The following HMGXB4 variants were observed in gnomAD, a reference collection of about 807,000 sequenced individuals.
The protein encoded by HMGXB4 is HMG domain-containing protein 4.
Under a neutral mutation model 63.9 loss-of-function variants are expected in HMGXB4, and 27 were observed. The observed-to-expected ratio is 0.42, with a 90% CI of 0.31 to 0.58. The LOEUF is 0.58. Among genes scored for constraint, HMGXB4 ranks in the 20% least tolerant of loss-of-function variants. The pLI is 0.13. For missense variants in HMGXB4, 624 were observed against 700.7 expected (o/e 0.89, Z 1.24); for synonymous variants, 264 against 265.3 (o/e 0.99, Z 0.05).
chr22:35,251,984 G>A, the HMGXB4 span, among the ~76,000 whole-genome samples: 2 of 152,196 alleles, frequency 1.3e-5, no homozygotes, highest in Non-Finnish European at 2.9e-5. Flanking sequence ...GGAAGCCAAG[G>A]CGGGTGGATC....
At position 35,267,185 on chromosome 22, in the gene HMGXB4, T is replaced by C. The variant is rs1036275111; in HGVS notation, c.1215+1582T>C. Among the ~76,000 whole-genome samples the C allele has an allele frequency of 6.1e-5, 9 of 148,416 alleles. No homozygotes were observed. In the South Asian group the frequency reaches 6.3e-4, roughly 10 times the overall value. ...TATAAAATAATATATTATATATATA[T>C]ACACACACACATCTGTTTATCTCAA... On this transcript the variant is annotated intron_variant, in intron 5 of 10. Coordinates refer to ENST00000216106, the MANE Select transcript of HMGXB4 (RefSeq NM_001003681.3).
At position 35,294,359 on chromosome 22, in the gene HMGXB4, C is replaced by T. The variant is rs941668442; in HGVS notation, c.*708C>T. The T allele has an allele frequency of 3.3e-5, 5 of 152,512 alleles. No homozygotes were observed. The highest frequency in any genetic ancestry group is 1.2e-4 in the African/African-American group (5 of 41,412). 9.4% of individuals were successfully genotyped at this position (152,512 alleles called of 1,614,324 possible). A position where few individuals can be genotyped will look rare whatever the true frequency, so the allele number is the denominator to read the frequency against. ...CCTTGGGGGGTGAAGCTGTCAATGC[C>T]ACCAGTTGGACCTCCATACATTCTG... On this transcript the variant is annotated 3_prime_UTR_variant, in exon 11 of 11. Transcript: ENST00000216106.
the HMGXB4 span, among the ~76,000 whole-genome samples, chr22:35,248,443 G>C: frequency 7.3e-6 from 1 of 137,284 alleles, no homozygotes; most frequent in Non-Finnish European, 1.5e-5. Context: ...GTCTCGCTCC[G>C]TCACCCAGGC....
rs143712163 is a variant in HMGXB4, at chr22:35,265,493, G to A, written c.1105G>A (p.Ala369Thr). The stretch of plus-strand genomic sequence containing the variant: ...TGGCCCTCCTCCCAGCATCCCATAC[G>A]CTGGAGCAGCAGCACCTCCCCTGCC... ...TSGPPPSIPY[A>T]GAAAPPLPLP... is the part of the protein sequence containing the mutation. Residue 369 changes from alanine (A) to threonine (T), a missense_variant, in exon 5 of 11, where the codon GCT becomes ACT. By Grantham distance (58) the Ala-to-Thr change is moderately conservative. This residue lies in a region of HMGXB4 where 472 missense variants were observed against 470.6 expected (regional missense o/e 1.00). Coordinates refer to ENST00000216106, the MANE Select transcript of HMGXB4 (RefSeq NM_001003681.3). The A allele has an allele frequency of 1.9e-4, 310 of 1,613,814 alleles. No individual in the cohort carries two copies. The African/African-American group carries it at 3.5e-3, about 18-fold the overall frequency.
chr22:35,262,550 T>C (rs775436294), intron 2 of HMGXB4, 129 bp downstream of exon 2: 8 of 964,086 alleles, frequency 8.3e-6, no homozygotes, highest in South Asian at 2.7e-5. Flanking sequence ...AGCACTGTTA[T>C]GACACTCAGC....
chr22:35,282,219 C>T (rs1601639331), intron 5 of HMGXB4, among the ~76,000 whole-genome samples: 2 of 152,216 alleles, frequency 1.3e-5, no homozygotes, highest in African/African-American at 4.8e-5. Flanking sequence ...CTCTGTCGCC[C>T]AGGCTGGAGT....
At chr22:35,274,521 T>C (rs989368091) in intron 5 of HMGXB4, among the ~76,000 whole-genome samples, 1 of 152,216 alleles carries the variant, frequency 6.6e-6, no homozygotes, top group Non-Finnish European at 1.5e-5. Context: ...TTTTATCTAC[T>C]ATGTATCACT....
At chr22:35,280,113 A>G (rs1924153348) in intron 5 of HMGXB4, among the ~76,000 whole-genome samples, 1 of 150,528 alleles carries the variant, frequency 6.6e-6, no homozygotes, top group Non-Finnish European at 1.5e-5. Context: ...GAGTCAACTC[A>G]CTAGAGACCT....
chr22:35,261,499 C>T (rs1437880339), intron 1 of HMGXB4, among the ~76,000 whole-genome samples: 2 of 150,804 alleles, frequency 1.3e-5, no homozygotes, highest in African/African-American at 2.4e-5. Context: ...TCTTCAAAGT[C>T]AAAATGGACA....
the HMGXB4 span, among the ~76,000 whole-genome samples, chr22:35,244,814 T>C: frequency 6.6e-6 from 1 of 152,208 alleles, no homozygotes; most frequent in Admixed American, 6.5e-5. Flanking sequence ...CATCAGGTTA[T>C]AAATGACCCT....
At chr22:35,280,052 C>T (rs937246339) in intron 5 of HMGXB4, among the ~76,000 whole-genome samples, 3 of 152,118 alleles carry the variant, frequency 2.0e-5, no homozygotes, top group Non-Finnish European at 2.9e-5. Context: ...TTTTTGTGCT[C>T]ACCTGCTATG....
upstream of HMGXB4, among the ~76,000 whole-genome samples, chr22:35,256,720 CG>C (rs1396610334): frequency 6.6e-6 from 1 of 152,094 alleles, no homozygotes; most frequent in Non-Finnish European, 1.5e-5. Context: ...AGGCTGGTCT[CG>C]AACTCCTGAC....
intron 5 of HMGXB4, among the ~76,000 whole-genome samples, chr22:35,272,027 G>C (rs1346705907): frequency 6.6e-6 from 1 of 152,182 alleles, no homozygotes; most frequent in African/African-American, 2.4e-5. Flanking sequence ...TCAAGACCCA[G>C]AATTTGGCTG....
At chr22:35,270,522 A>G (rs738146) in intron 5 of HMGXB4, among the ~76,000 whole-genome samples, 95,018 of 152,120 alleles carry the variant, frequency 0.62, 30,598 homozygotes, top group East Asian at 0.79. Flanking sequence ...CCCCAGGTCC[A>G]TGGAAAAATT....
chr22:35,275,603 G>A (rs1923865049), intron 5 of HMGXB4, among the ~76,000 whole-genome samples: 2 of 152,046 alleles, frequency 1.3e-5, no homozygotes, highest in Admixed American at 1.3e-4. Context: ...TTTGGGCCAG[G>A]AGCAGTGGCA....
upstream of HMGXB4, among the ~76,000 whole-genome samples, chr22:35,256,459 T>C (rs979186194): frequency 2.0e-5 from 3 of 152,158 alleles, no homozygotes; most frequent in African/African-American, 7.2e-5. Flanking sequence ...AGGAAGCCCA[T>C]TGTACTACTG....
At chr22:35,292,869 T>C (rs1386804113) in intron 9 of HMGXB4, 123 bp from the exon 10 acceptor site, 2 of 1,123,064 alleles carry the variant, frequency 1.8e-6, no homozygotes, top group African/African-American at 3.1e-5. Context: ...ACTTTCCATT[T>C]CTGCTGTAAA....
chr22:35,274,511 T>C (rs1035504691), intron 5 of HMGXB4, among the ~76,000 whole-genome samples: 5 of 152,234 alleles, frequency 3.3e-5, no homozygotes, highest in Non-Finnish European at 7.3e-5. Flanking sequence ...TACACTAGTT[T>C]TTTATCTACT....
intron 5 of HMGXB4, among the ~76,000 whole-genome samples, chr22:35,267,704 T>C (rs1168126384): frequency 1.3e-5 from 2 of 152,122 alleles, no homozygotes; most frequent in Admixed American, 1.3e-4. Flanking sequence ...TTCTCAACAT[T>C]TTATTATGAA....
Sources: gnomAD v4.1 joint callset for allele counts (sites outside exome capture counted in the v4.1 genomes callset) on GRCh38, gnomAD v4.1.1 for gene constraint, gnomAD v4.1.1 regional missense constraint, MANE v1.5 for transcripts, NCBI Gene and HGNC (gene_info 2026-07-23, HGNC 2026-07-21) for gene names.